Variants in NDST4 observed in about 807,000 individuals in gnomAD.
The protein encoded by NDST4 is N-heparan sulfate sulfotransferase 4.
In NDST4, 63 loss-of-function variants were observed where a neutral mutation model predicts 100.8. The observed-to-expected ratio is 0.62, with a 90% CI of 0.51 to 0.77. The LOEUF (loss-of-function observed/expected upper bound fraction) is 0.77. Ranked by LOEUF, NDST4 falls within the 30% of genes least tolerant of loss-of-function variation. The pLI is 0.00. For synonymous variants in NDST4, 377 were observed against 361.8 expected, an observed-to-expected ratio of 1.04 and a Z score of -0.48; for missense variants, 943 against 1,018.4, an observed-to-expected ratio of 0.93 and a Z score of 1.01.
intron 1 of NDST4, among the ~76,000 whole-genome samples, chr4:115,111,355 C>A (rs1160775375): frequency 6.6e-6 from 1 of 151,576 alleles, no homozygotes; most frequent in African/African-American, 2.4e-5. Context: ...AATGAAAGAT[C>A]CTTATTTTCC....
At chr4:115,111,957 ATT>A (rs1165376672) in intron 1 of NDST4, among the ~76,000 whole-genome samples, 2 of 151,822 alleles carry the variant, frequency 1.3e-5, no homozygotes, top group Non-Finnish European at 2.9e-5. Flanking sequence ...CCATTTATAT[ATT>A]GAGATAAATG....
At chr4:115,104,892 A>G (rs1729805847) in intron 1 of NDST4, among the ~76,000 whole-genome samples, 1 of 152,148 alleles carries the variant, frequency 6.6e-6, no homozygotes, top group Non-Finnish European at 1.5e-5. Flanking sequence ...GTACTGACAC[A>G]TGTAATCAAA....
intron 8 of NDST4, among the ~76,000 whole-genome samples, chr4:114,852,313 T>A (rs2126188805): frequency 6.6e-6 from 1 of 152,232 alleles, no homozygotes; most frequent in Middle Eastern, 3.4e-3. Context: ...TGAATAAAAA[T>A]CAATTCAAAG....
chr4:115,099,380 C>A (rs1360606403), intron 1 of NDST4, among the ~76,000 whole-genome samples: 1 of 151,420 alleles, frequency 6.6e-6, no homozygotes, highest in Non-Finnish European at 1.5e-5. Flanking sequence ...AGATGACAGG[C>A]TACAAACTGG....
At chr4:114,973,475 G>C (rs1224958399) in intron 3 of NDST4, among the ~76,000 whole-genome samples, 1 of 151,686 alleles carries the variant, frequency 6.6e-6, no homozygotes, top group African/African-American at 2.4e-5. Context: ...CTTCTAATCT[G>C]ATCTAGATCC....
intron 2 of NDST4, among the ~76,000 whole-genome samples, chr4:115,034,599 C>T (rs1197404441): frequency 6.6e-6 from 1 of 151,890 alleles, no homozygotes; most frequent in Admixed American, 6.6e-5. Context: ...TATATGTTTA[C>T]CTTAATCTGG....
chr4:114,912,147 TAA>T (rs1725075395), intron 6 of NDST4, among the ~76,000 whole-genome samples: 1 of 152,206 alleles, frequency 6.6e-6, no homozygotes, highest in African/African-American at 2.4e-5. Flanking sequence ...CTCTAGATGC[TAA>T]GTTTTTTCAG....
intron 1 of NDST4, among the ~76,000 whole-genome samples, chr4:115,095,602 T>C (rs1729603818): frequency 6.6e-6 from 1 of 152,120 alleles, no homozygotes; most frequent in Non-Finnish European, 1.5e-5. Flanking sequence ...CTGCCTCTTC[T>C]CCTTAAAGCA....
intron 2 of NDST4, among the ~76,000 whole-genome samples, chr4:114,991,110 G>A (rs1214054195): frequency 6.6e-6 from 1 of 152,176 alleles, no homozygotes; most frequent in South Asian, 2.1e-4. Flanking sequence ...AGCTCTTTCG[G>A]ATTTCTAAGC....
chr4:115,076,411 T>C lies in NDST4; in HGVS notation c.626A>G (p.Lys209Arg). ...CCCAGGAAGAGGGCCTTTCTCAACC[T>C]TGGGGGCTTTGGTAATATGCAGCAA... ...SPLLHITKAP[K>R]VEKGPLPGED... is the part of the protein sequence containing the mutation. The change falls in exon 2 of 14, where the codon AAG becomes AGG. Residue 209 changes from lysine (K) to arginine (R), a missense_variant. By Grantham distance (26) the Lys-to-Arg change is conservative (BLOSUM62 2). This residue lies in a region of NDST4 where 417 missense variants were observed against 384.2 expected (regional missense o/e 1.09). Coordinates refer to ENST00000264363, the MANE Select transcript of NDST4 (RefSeq NM_022569.3). 6.2e-7 allele frequency: 1 copy of C among 1,613,976 alleles called. No individual in the cohort carries two copies. The highest frequency in any genetic ancestry group is 2.2e-5 in the East Asian group (1 of 44,794).
At chr4:114,955,639 C>T (rs1726123492) in intron 4 of NDST4, among the ~76,000 whole-genome samples, 1 of 152,162 alleles carries the variant, frequency 6.6e-6, no homozygotes, top group Non-Finnish European at 1.5e-5. Context: ...GTATGAGGAG[C>T]TCTGTGGACC....
chr4:115,017,033 G>C (rs1471084896), intron 2 of NDST4, among the ~76,000 whole-genome samples: 1 of 151,396 alleles, frequency 6.6e-6, no homozygotes, highest in East Asian at 1.9e-4. Context: ...ATTCAAATTA[G>C]GAAAGAGTTT....
chr4:114,969,893 C>A (rs978661321), intron 4 of NDST4, among the ~76,000 whole-genome samples: 1 of 152,180 alleles, frequency 6.6e-6, no homozygotes, highest in Non-Finnish European at 1.5e-5. Context: ...TGCCACACTG[C>A]TTTCCACAAT....
intron 4 of NDST4, among the ~76,000 whole-genome samples, chr4:114,969,040 T>C (rs1275391651): frequency 6.6e-6 from 1 of 152,202 alleles, no homozygotes; most frequent in Admixed American, 6.5e-5. Flanking sequence ...GCTCCAAACA[T>C]TCAACTCATT....
intron 2 of NDST4, among the ~76,000 whole-genome samples, chr4:114,981,021 G>C (rs895375469): frequency 1.3e-5 from 2 of 152,154 alleles, no homozygotes; most frequent in South Asian, 4.2e-4. Flanking sequence ...AAGCCAGCCT[G>C]GGCAACATGG....
intron 7 of NDST4, among the ~76,000 whole-genome samples, chr4:114,860,991 T>A (rs1723907509): frequency 6.6e-6 from 1 of 152,228 alleles, no homozygotes; most frequent in Admixed American, 6.5e-5. Context: ...TCAAACAGGC[T>A]ATTAATGGAC....
At chr4:114,915,924 A>G (rs1159007058) in intron 6 of NDST4, among the ~76,000 whole-genome samples, 1 of 152,136 alleles carries the variant, frequency 6.6e-6, no homozygotes. Context: ...CCAACCACTT[A>G]AAATCGTAAT....
At chr4:114,966,815 A>T (rs902310114) in intron 4 of NDST4, among the ~76,000 whole-genome samples, 2 of 152,110 alleles carry the variant, frequency 1.3e-5, no homozygotes, top group Non-Finnish European at 2.9e-5. Flanking sequence ...TTAAAACTGA[A>T]ATTGATCAGT....
chr4:114,856,769 G>A (rs1409110685), intron 7 of NDST4, among the ~76,000 whole-genome samples: 7 of 152,128 alleles, frequency 4.6e-5, no homozygotes, highest in African/African-American at 1.7e-4. Context: ...AATTACTCTG[G>A]CTGCCTTAAT....
Sources: gnomAD v4.1 joint callset for allele counts (sites outside exome capture counted in the v4.1 genomes callset) on GRCh38, gnomAD v4.1.1 for gene constraint, gnomAD v4.1.1 regional missense constraint, MANE v1.5 for transcripts, NCBI Gene and HGNC (gene_info 2026-07-23, HGNC 2026-07-21) for gene names.